NUDC: variants seen among roughly 807,000 people sequenced by gnomAD.
NUDC encodes the protein nuclear distribution C, dynein complex regulator.
Under a neutral mutation model 45.0 loss-of-function variants are expected in NUDC, and 14 were observed. That is an observed-to-expected ratio of 0.31 (90% CI 0.21 to 0.49). The LOEUF (loss-of-function observed/expected upper bound fraction) is 0.49. Ranked by LOEUF, NUDC falls within the 20% of genes least tolerant of loss-of-function variation. The pLI, the probability that NUDC is intolerant of heterozygous loss-of-function variation, is 0.99. For missense variants in NUDC, 323 were observed against 426.2 expected (o/e 0.76, Z 2.13); for synonymous variants, 153 against 156.7 (o/e 0.98, Z 0.17).
chr1:26,900,392 C>T, exon 1 of NUDC: 11 of 1,613,896 alleles, frequency 6.8e-6, no homozygotes, highest in Non-Finnish European at 9.3e-6. Context: ...GGATACCGCT[C>T]ACTACCAGGT....
intron 2 of NUDC, among the ~76,000 whole-genome samples, chr1:26,937,369 T>A (rs1418483042): frequency 6.6e-6 from 1 of 152,130 alleles, no homozygotes; most frequent in African/African-American, 2.4e-5. Flanking sequence ...AACCTCCGGC[T>A]CCCAGGCTCA....
intron 2 of NUDC, among the ~76,000 whole-genome samples, chr1:26,934,075 C>T (rs553139887): frequency 2.0e-5 from 3 of 152,286 alleles, no homozygotes; most frequent in African/African-American, 4.8e-5. Context: ...ATCGCTTAAA[C>T]GTGGGAGGCA....
At position 26,941,672 on chromosome 1, in the gene NUDC, G is replaced by C. The variant is rs2082277901; in HGVS notation, c.363+12G>C. ...TAGAGATTGACCAGGTGAAGGGTGG[G>C]CTTCCCTTCTCCACCCCTCAGATCC... On this transcript the variant is annotated intron_variant, in intron 3 of 8. Coordinates refer to ENST00000321265, the MANE Select transcript of NUDC (RefSeq NM_006600.4). The C allele has an allele frequency of 6.2e-7, 1 of 1,612,198 alleles. No individual in the cohort carries two copies. The highest frequency in any genetic ancestry group is 1.1e-5 in the South Asian group (1 of 90,844).
chr1:26,913,613 C>T, intron 3 of NUDC: 1 of 1,614,078 alleles, frequency 6.2e-7, no homozygotes. Flanking sequence ...GGGGCCTCAG[C>T]CACCTCAAAG....
rs1224319714 is a variant in NUDC, at chr1:26,921,775, G to C, written c.-74G>C. 8 of 1,487,252 alleles carry C rather than the reference G, an allele frequency of 5.4e-6. No homozygotes were observed. The highest frequency in any genetic ancestry group is 3.6e-5 in the South Asian group (3 of 82,666). 92.1% of individuals were successfully genotyped at this position (1,487,252 alleles called of 1,614,324 possible). On this transcript the variant is annotated 5_prime_UTR_variant, in exon 1 of 9. Coordinates refer to ENST00000321265, the MANE Select transcript of NUDC (RefSeq NM_006600.4). The stretch of plus-strand genomic sequence containing the variant: ...GCGGACGACTAGAGTCGTTGGGCCC[G>C]GCGCGACCCGCAGGAGCGTAGAGAG...
chr1:26,923,503 GTC>G (rs1275563522), intron 1 of NUDC, among the ~76,000 whole-genome samples: 1 of 151,964 alleles, frequency 6.6e-6, no homozygotes, highest in East Asian at 1.9e-4. Flanking sequence ...TTAGACAAGA[GTC>G]TCTCACCCAG....
chr1:26,932,339 G>C (rs749742930), intron 2 of NUDC, among the ~76,000 whole-genome samples: 7 of 151,894 alleles, frequency 4.6e-5, no homozygotes, highest in Non-Finnish European at 1.0e-4. Context: ...ACCATGCCGG[G>C]CTAATTATTG....
intron 2 of NUDC, among the ~76,000 whole-genome samples, chr1:26,933,236 AT>A (rs1047460195): frequency 1.8e-4 from 27 of 147,324 alleles, no homozygotes; most frequent in Non-Finnish European, 2.7e-4. Flanking sequence ...CCCGGCCACA[AT>A]TTTTTTTTTT....
At chr1:26,932,875 A>C (rs1039407075) in intron 2 of NUDC, among the ~76,000 whole-genome samples, 9 of 152,170 alleles carry the variant, frequency 5.9e-5, no homozygotes, top group Non-Finnish European at 1.2e-4. Context: ...GTTTAATGTA[A>C]TGTCCACAGA....
chr1:26,943,212 A>G (rs1232439987), intron 6 of NUDC, 147 bp downstream of exon 6: 5 of 908,242 alleles, frequency 5.5e-6, no homozygotes, highest in East Asian at 2.5e-5. Context: ...ATCTGTCTCT[A>G]TTTTATTTTC....
intron 4 of NUDC, among the ~76,000 whole-genome samples, chr1:26,942,253 T>C (rs2082283643): frequency 6.6e-6 from 1 of 152,126 alleles, no homozygotes; most frequent in Admixed American, 6.6e-5. Flanking sequence ...ATCACGCCAC[T>C]GCACTCCAGC....
chr1:26,902,221 C>A (rs1251936311), intron 1 of NUDC: 2 of 152,222 alleles, frequency 1.3e-5, no homozygotes, highest in African/African-American at 4.8e-5. Context: ...CTTTGAGGAA[C>A]TTCTTGTCCC....
chr1:26,906,056 C>T (rs1442980440), intron 2 of NUDC, among the ~76,000 whole-genome samples: 3 of 152,098 alleles, frequency 2.0e-5, no homozygotes, highest in South Asian at 2.1e-4. Flanking sequence ...GCGAGGCGGG[C>T]GGATCACCTG....
intron 3 of NUDC, chr1:26,913,833 A>G (rs1454170385): frequency 6.6e-6 from 10 of 1,509,510 alleles, no homozygotes; most frequent in South Asian, 4.1e-5. Context: ...GGCAGCGGCT[A>G]CGGGGTCGGG....
At chr1:26,932,965 A>G (rs12130310) in intron 2 of NUDC, among the ~76,000 whole-genome samples, 16 of 148,534 alleles carry the variant, frequency 1.1e-4, no homozygotes, top group African/African-American at 3.9e-4. Flanking sequence ...ATATATCACA[A>G]TTTTTTTTTT....
chr1:26,932,200 A>ATC (rs2082189295), intron 2 of NUDC, among the ~76,000 whole-genome samples: 1 of 149,944 alleles, frequency 6.7e-6, no homozygotes, highest in Non-Finnish European at 1.5e-5. Context: ...TTTTTGAGAC[A>ATC]GAGTATCGCT....
intron 2 of NUDC, among the ~76,000 whole-genome samples, chr1:26,907,722 G>A (rs1424737045): frequency 6.6e-6 from 1 of 152,224 alleles, no homozygotes; most frequent in Non-Finnish European, 1.5e-5. Context: ...CTGCTTTCCA[G>A]TGAGTCATCC....
At chr1:26,945,861 T>C (rs1413602661) in intron 8 of NUDC, among the ~76,000 whole-genome samples, 175 bp downstream of exon 8, 1 of 152,130 alleles carries the variant, frequency 6.6e-6, no homozygotes, top group Non-Finnish European at 1.5e-5. Flanking sequence ...GAGGTCATCT[T>C]GAGGGCAAGG....
Position 26,915,201 on chromosome 1 carries a change from G to C in NUDC, c.93+3966G>C, listed in dbSNP as rs535031848. On this transcript the variant is annotated intron_variant, in intron 3 of 6. Coordinates refer to the NUDC transcript ENST00000435827. ...GAGACTAAAAAAGCTAAAGTGACTTGCCCAAGGTCATCCCACCAGGAAGAC... is the reference window on the plus strand; with the variant it reads ...GAGACTAAAAAAGCTAAAGTGACTTCCCCAAGGTCATCCCACCAGGAAGAC... 2.6e-5 allele frequency among the ~76,000 whole-genome samples: 4 copies of C among 152,016 alleles called. 1 individual carries two copies. The highest frequency in any genetic ancestry group is 9.6e-5 in the African/African-American group (4 of 41,480).
Sources: gnomAD v4.1 joint callset for allele counts (sites outside exome capture counted in the v4.1 genomes callset) on GRCh38, gnomAD v4.1.1 for gene constraint, MANE v1.5 for transcripts, NCBI Gene and HGNC (gene_info 2026-07-23, HGNC 2026-07-21) for gene names.